CDKAL1: variants seen among roughly 807,000 people sequenced by gnomAD.
The protein encoded by CDKAL1 is threonylcarbamoyladenosine tRNA methylthiotransferase.
CDKAL1 carries 32 observed loss-of-function variants against 68.2 expected under a neutral mutation model. That is an observed-to-expected ratio of 0.47 (90% CI 0.35 to 0.63). The LOEUF is 0.63. Ranked by LOEUF, CDKAL1 falls within the 30% of genes least tolerant of loss-of-function variation. CDKAL1 has a pLI of 0.00. For missense variants in CDKAL1, 606 were observed against 696.7 expected, an observed-to-expected ratio of 0.87 and a Z score of 1.47; for synonymous variants, 234 against 244.3, an observed-to-expected ratio of 0.96 and a Z score of 0.39.
At chr6:20,789,222 T>C (rs1412149908) in intron 8 of CDKAL1, among the ~76,000 whole-genome samples, 1 of 152,202 alleles carries the variant, frequency 6.6e-6, no homozygotes. Flanking sequence ...TTTTTATGTC[T>C]TCAACGGAAT....
At chr6:21,113,621 G>C (rs1386803227) in intron 13 of CDKAL1, among the ~76,000 whole-genome samples, 2 of 151,898 alleles carry the variant, frequency 1.3e-5, no homozygotes, top group African/African-American at 4.8e-5. Context: ...TCCTGCCTCA[G>C]CCTACCCGGC....
At chr6:21,164,243 T>C (rs1156483093) in intron 13 of CDKAL1, among the ~76,000 whole-genome samples, 1 of 152,070 alleles carries the variant, frequency 6.6e-6, no homozygotes, top group African/African-American at 2.4e-5. Flanking sequence ...TTTAAAAAAT[T>C]ATGTACCTGC....
intron 6 of CDKAL1, among the ~76,000 whole-genome samples, 173 bp downstream of exon 6, chr6:20,739,788 C>T (rs4710943): frequency 0.19 from 28,837 of 152,136 alleles, 3,243 homozygotes; most frequent in East Asian, 0.34. Context: ...AACTTTTTCA[C>T]CTTAGCACAA....
intron 8 of CDKAL1, among the ~76,000 whole-genome samples, chr6:20,845,373 G>T (rs1340826920): frequency 6.6e-6 from 1 of 151,916 alleles, no homozygotes; most frequent in East Asian, 1.9e-4. Flanking sequence ...TATAAGAGTA[G>T]AACCAATATT....
chr6:21,015,782 C>G (rs1768291713), intron 11 of CDKAL1, among the ~76,000 whole-genome samples: 1 of 151,788 alleles, frequency 6.6e-6, no homozygotes, highest in Admixed American at 6.6e-5. Context: ...CAAAAATTAG[C>G]CAGGCGTGAT....
At chr6:20,980,681 T>TA (rs35829025) in intron 10 of CDKAL1, among the ~76,000 whole-genome samples, 72,978 of 151,952 alleles carry the variant, frequency 0.48, 18,796 homozygotes, top group East Asian at 0.65. Context: ...GAGAACTCCT[T>TA]ATGTTGCTTA....
chr6:20,816,278 G>A (rs1033105009), intron 8 of CDKAL1, among the ~76,000 whole-genome samples: 1 of 152,118 alleles, frequency 6.6e-6, no homozygotes, highest in South Asian at 2.1e-4. Flanking sequence ...ATTCTGCAGG[G>A]ATACTAGTCA....
chr6:21,072,017 C>T (rs142160962), intron 12 of CDKAL1, among the ~76,000 whole-genome samples: 13 of 152,326 alleles, frequency 8.5e-5, no homozygotes, highest in African/African-American at 3.1e-4. Flanking sequence ...AAGCGATACA[C>T]ACAGCCAGCT....
At chr6:21,223,420 G>A (rs962279277) in intron 15 of CDKAL1, among the ~76,000 whole-genome samples, 6 of 152,196 alleles carry the variant, frequency 3.9e-5, no homozygotes, top group African/African-American at 1.4e-4. Flanking sequence ...GGCACATGGT[G>A]AATGTTCTCT....
chr6:20,640,494 G>A (rs1768121619), intron 4 of CDKAL1, among the ~76,000 whole-genome samples: 2 of 152,146 alleles, frequency 1.3e-5, no homozygotes, highest in Non-Finnish European at 2.9e-5. Flanking sequence ...TAATAATCCT[G>A]CATTCATTAT....
intron 4 of CDKAL1, among the ~76,000 whole-genome samples, chr6:20,626,436 A>T (rs893042629): frequency 2.6e-5 from 4 of 152,228 alleles, no homozygotes; most frequent in African/African-American, 9.6e-5. Context: ...GAAGTAATAT[A>T]TGAGAATATA....
chr6:21,118,639 T>G (rs1774544656), intron 13 of CDKAL1, among the ~76,000 whole-genome samples: 1 of 152,242 alleles, frequency 6.6e-6, no homozygotes, highest in Non-Finnish European at 1.5e-5. Context: ...CTCTTGAAAT[T>G]GAGAAACTAG....
intron 9 of CDKAL1, among the ~76,000 whole-genome samples, chr6:20,927,213 G>T (rs1183603423): frequency 6.6e-6 from 1 of 152,120 alleles, no homozygotes; most frequent in African/African-American, 2.4e-5. Context: ...TCTTTGGGAA[G>T]AATACATTAA....
At chr6:20,751,294 C>T (rs1269982516) in intron 6 of CDKAL1, among the ~76,000 whole-genome samples, 1 of 152,044 alleles carries the variant, frequency 6.6e-6, no homozygotes, top group African/African-American at 2.4e-5. Context: ...ATGTTCATTT[C>T]CTAAGGCTGC....
intron 9 of CDKAL1, among the ~76,000 whole-genome samples, chr6:20,867,479 C>T (rs538323195): frequency 4.6e-5 from 7 of 152,156 alleles, no homozygotes; most frequent in East Asian, 3.9e-4. Context: ...TGAAGTGTAT[C>T]GTGTTCAGTT....
chr6:20,649,324 G>T lies in CDKAL1; in HGVS notation c.318G>T (p.Leu106=), dbSNP rs754890996. The T allele has an allele frequency of 6.2e-7, 1 of 1,608,262 alleles. No homozygotes were observed. Among genetic ancestry groups the T allele is most frequent in the Middle Eastern group, 1.7e-4 (1 of 6,052 alleles). ...CATCCGATGCAGATTTATGGCTCCT[G>T]AACAGTTGCACTGTAAAAAACCCAG... ...ENASDADLWL[L]NSCTVKNPAE... is the part of the protein sequence containing the mutation. The change falls in exon 5 of 16, where the codon CTG becomes CTT. Residue 106 remains leucine (L), a synonymous_variant. Coordinates refer to ENST00000274695, the MANE Select transcript of CDKAL1 (RefSeq NM_017774.3).
chr6:21,192,967 C>G (rs931402164), intron 13 of CDKAL1, among the ~76,000 whole-genome samples: 25 of 151,966 alleles, frequency 1.6e-4, no homozygotes, highest in Non-Finnish European at 1.5e-4. Context: ...CAGGTGTGCG[C>G]CACCACACCC....
At chr6:21,106,037 A>AT (rs1244923913) in intron 12 of CDKAL1, among the ~76,000 whole-genome samples, 7 of 152,186 alleles carry the variant, frequency 4.6e-5, no homozygotes, top group African/African-American at 1.7e-4. Flanking sequence ...AATTGATGCA[A>AT]TATTTGTGAG....
At chr6:20,852,666 AG>A (rs1759081321) in intron 9 of CDKAL1, among the ~76,000 whole-genome samples, 1 of 152,240 alleles carries the variant, frequency 6.6e-6, no homozygotes, top group Non-Finnish European at 1.5e-5. Flanking sequence ...TTAGACTATC[AG>A]TGGCAGAAAC....
Sources: allele counts gnomAD v4.1 joint callset (sites outside exome capture counted in the v4.1 genomes callset), GRCh38; gene constraint gnomAD v4.1.1; transcripts MANE v1.5; gene names NCBI Gene and HGNC (gene_info 2026-07-23, HGNC 2026-07-21).